STPG2: variants seen among roughly 807,000 people sequenced by gnomAD.
The protein encoded by STPG2 is sperm tail PG-rich repeat containing 2.
STPG2 carries 56 observed loss-of-function variants against 54.2 expected under a neutral mutation model. The ratio of observed to expected loss-of-function variants is 1.03; its 90% CI spans 0.83 to 1.29. STPG2 has a LOEUF of 1.29. Among genes scored for constraint, STPG2 ranks in the 50% most tolerant of loss-of-function variants. STPG2 has a pLI of 0.00. For missense variants in STPG2, 596 were observed against 544.9 expected (o/e 1.09, Z -0.93); for synonymous variants, 200 against 181.8 (o/e 1.10, Z -0.81).
chr4:97,568,553 G>A (rs979811097), intron 10 of STPG2, among the ~76,000 whole-genome samples: 11 of 151,924 alleles, frequency 7.2e-5, no homozygotes, highest in African/African-American at 2.7e-4. Context: ...CATACATACT[G>A]CAGTAGCAAT....
chr4:97,745,095 T>C (rs1430739700), intron 9 of STPG2, among the ~76,000 whole-genome samples: 1 of 151,210 alleles, frequency 6.6e-6, no homozygotes, highest in African/African-American at 2.4e-5. Flanking sequence ...AGGCCACCAA[T>C]GTTGTAAGAA....
At chr4:98,068,690 G>A (rs950342234) in intron 5 of STPG2, among the ~76,000 whole-genome samples, 1 of 151,630 alleles carries the variant, frequency 6.6e-6, no homozygotes, top group Admixed American at 6.6e-5. Flanking sequence ...ACTTAACGAT[G>A]GGAATACTTA....
In STPG2 at chr4:97,812,452, T is replaced by C. The variant is rs552053671; in HGVS notation, c.1204+28321A>G. Among the ~76,000 whole-genome samples the C allele has an allele frequency of 5.9e-5, 9 of 152,292 alleles. No homozygotes were observed. The South Asian group carries it at 1.7e-3, about 28-fold the overall frequency. On this transcript the variant is annotated intron_variant, in intron 9 of 10. Coordinates refer to ENST00000295268, the MANE Select transcript of STPG2 (RefSeq NM_174952.3). The stretch of plus-strand genomic sequence containing the variant: ...CCACATTTACTTCTAAAATTGGATA[T>C]CATAAAGTAATTTTAATTCAGTATA...
chr4:97,776,247 C>A (rs920741717), intron 9 of STPG2, among the ~76,000 whole-genome samples: 4 of 151,998 alleles, frequency 2.6e-5, no homozygotes, highest in African/African-American at 4.8e-5. Context: ...ATAAGTTAAA[C>A]CTATAAGGTA....
At chr4:97,957,844 C>T (rs940861429) in intron 7 of STPG2, among the ~76,000 whole-genome samples, 2 of 152,122 alleles carry the variant, frequency 1.3e-5, no homozygotes, top group African/African-American at 4.8e-5. Flanking sequence ...AGGAAACATA[C>T]AACCTTTTCA....
intron 7 of STPG2, among the ~76,000 whole-genome samples, chr4:97,965,066 G>A (rs1734041764): frequency 6.6e-6 from 1 of 152,192 alleles, no homozygotes; most frequent in Non-Finnish European, 1.5e-5. Flanking sequence ...GCAAGAGGTT[G>A]AGGGATTTCC....
chr4:97,925,232 G>T (rs1732288377), intron 8 of STPG2, among the ~76,000 whole-genome samples: 1 of 152,136 alleles, frequency 6.6e-6, no homozygotes, highest in African/African-American at 2.4e-5. Context: ...CAGGAATTAA[G>T]TTGTTAGAAT....
In STPG2 at chr4:98,092,515, G is replaced by T. The variant is rs575043986; in HGVS notation, c.612+13438C>A. 6.6e-5 allele frequency among the ~76,000 whole-genome samples: 10 copies of T among 151,810 alleles called. No homozygotes were observed. The East Asian group carries it at 1.7e-3, about 26-fold the overall frequency. ...AATATTAAAGACTAACAATGATAAG[G>T]AAGAAAGTAAAAATGTTTACATTGA... On this transcript the variant is annotated intron_variant, in intron 5 of 10. Transcript: ENST00000295268.
intron 1 of STPG2, among the ~76,000 whole-genome samples, chr4:98,140,776 T>G (rs1025093830): frequency 6.6e-6 from 1 of 151,966 alleles, no homozygotes; most frequent in African/African-American, 2.4e-5. Context: ...TTCAAAAAAG[T>G]AACTGGTTAT....
intron 8 of STPG2, among the ~76,000 whole-genome samples, chr4:97,892,184 A>C (rs533962451): frequency 3.5e-4 from 53 of 152,140 alleles, no homozygotes; most frequent in Non-Finnish European, 7.2e-4. Context: ...TCAAGCTCTG[A>C]CTTGGTCATT....
At chr4:97,883,906 A>C (rs1311947267) in intron 8 of STPG2, among the ~76,000 whole-genome samples, 1 of 152,146 alleles carries the variant, frequency 6.6e-6, no homozygotes, top group Non-Finnish European at 1.5e-5. Context: ...CTCAGAGAAC[A>C]CCATGCAGGA....
chr4:97,950,291 T>C (rs1698897763), intron 7 of STPG2, among the ~76,000 whole-genome samples: 1 of 152,114 alleles, frequency 6.6e-6, no homozygotes, highest in African/African-American at 2.4e-5. Context: ...ACTTTGTTCA[T>C]TTCTGTTCTT....
intron 8 of STPG2, among the ~76,000 whole-genome samples, chr4:97,866,292 A>G (rs900844465): frequency 1.3e-5 from 2 of 152,006 alleles, no homozygotes; most frequent in Non-Finnish European, 2.9e-5. Flanking sequence ...GCTTGATGTG[A>G]TAAATACCTC....
chr4:97,990,693 C>A (rs1734973342), intron 5 of STPG2, among the ~76,000 whole-genome samples: 1 of 152,050 alleles, frequency 6.6e-6, no homozygotes. Flanking sequence ...AAGACCCAGA[C>A]CTTGAAAGTA....
intron 10 of STPG2, among the ~76,000 whole-genome samples, chr4:97,596,854 G>A (rs750613926): frequency 1.3e-5 from 2 of 151,688 alleles, no homozygotes; most frequent in Non-Finnish European, 2.9e-5. Flanking sequence ...AAATTTAAAG[G>A]AGCTAGAGAA....
intron 5 of STPG2, among the ~76,000 whole-genome samples, chr4:98,068,567 G>C (rs569468055): frequency 2.0e-5 from 3 of 152,226 alleles, no homozygotes; most frequent in African/African-American, 7.2e-5. Flanking sequence ...CCAAAATCAG[G>C]AGAAGAAAAT....
At chr4:98,133,692 A>G (rs13116475) in intron 2 of STPG2, among the ~76,000 whole-genome samples, 40,906 of 151,954 alleles carry the variant, frequency 0.27, 5,829 homozygotes, top group Middle Eastern at 0.35. Flanking sequence ...AGGCTCTATG[A>G]TCATACAAAT....
At chr4:97,812,033 T>C (rs1578585834) in intron 9 of STPG2, among the ~76,000 whole-genome samples, 1 of 152,068 alleles carries the variant, frequency 6.6e-6, no homozygotes, top group African/African-American at 2.4e-5. Context: ...CTGACAAATA[T>C]AAGTTAGTAA....
chr4:97,728,763 T>C lies in STPG2; in HGVS notation c.1205-15949A>G, dbSNP rs1724698983. ...TGATCAAACCACTCAGAAGATCCTA[T>C]AGAAATACTACATCCACATCAGGCT... On this transcript the variant is annotated intron_variant, in intron 9 of 10. Coordinates refer to ENST00000295268, the MANE Select transcript of STPG2 (RefSeq NM_174952.3). Among the ~76,000 whole-genome samples, 4 of 151,898 alleles carry C rather than the reference T, an allele frequency of 2.6e-5. No homozygotes were observed. The South Asian group carries it at 8.3e-4, about 31-fold the overall frequency.
Sources: allele counts gnomAD v4.1 joint callset (sites outside exome capture counted in the v4.1 genomes callset), GRCh38; gene constraint gnomAD v4.1.1; transcripts MANE v1.5; gene names NCBI Gene and HGNC (gene_info 2026-07-23, HGNC 2026-07-21).